Variants in COL25A1 observed in about 807,000 individuals in gnomAD.
COL25A1 encodes collagen type XXV alpha 1 chain, also known as collagen alpha-1(XXV) chain.
COL25A1 carries 103 observed loss-of-function variants against 128.4 expected under a neutral mutation model. The ratio of observed to expected loss-of-function variants is 0.80; its 90% CI spans 0.68 to 0.94. The LOEUF is 0.94. Ranked by LOEUF, COL25A1 falls within the 40% of genes least tolerant of loss-of-function variation. The pLI, the probability that COL25A1 is intolerant of heterozygous loss-of-function variation, is 0.00. For synonymous variants in COL25A1, 279 were observed against 277.2 expected (o/e 1.01, Z -0.06); for missense variants, 745 against 840.0 (o/e 0.89, Z 1.40).
Position 108,812,900 on chromosome 4 carries a change from C to A in COL25A1, c.*1027G>T, listed in dbSNP as rs1287928573. 2 of 152,134 alleles carry A rather than the reference C, an allele frequency of 1.3e-5. No homozygotes were observed. Among genetic ancestry groups the A allele is most frequent in the Non-Finnish European group, 2.9e-5 (2 of 68,032 alleles). The allele number at this position is 152,134 out of a possible 1,614,324, so 9.4% of individuals were successfully genotyped here. ...TTTGGTGGGATGGACATCCCTTTTC[C>A]CTCAGGGACAGGATCTCCCATTCCA... On this transcript the variant is annotated 3_prime_UTR_variant, in exon 38 of 38. Coordinates refer to ENST00000399132, the MANE Select transcript of COL25A1 (RefSeq NM_198721.4).
At chr4:108,987,701 T>C (rs756490425) in intron 6 of COL25A1, among the ~76,000 whole-genome samples, 2 of 152,094 alleles carry the variant, frequency 1.3e-5, no homozygotes, top group Non-Finnish European at 2.9e-5. Flanking sequence ...ACGTCTTACC[T>C]GGAAGCCTGA....
At chr4:108,857,017 G>A (rs1373758404) in intron 24 of COL25A1, among the ~76,000 whole-genome samples, 1 of 152,076 alleles carries the variant, frequency 6.6e-6, no homozygotes, top group Non-Finnish European at 1.5e-5. Flanking sequence ...TCAAAATAGA[G>A]ATTTCCATTT....
Position 109,260,138 on chromosome 4 carries a change from T to C in COL25A1, c.367+40445A>G, listed in dbSNP as rs114159118. The stretch of plus-strand genomic sequence containing the variant: ...CTTATACAAAGCTGCCTCCATTTTC[T>C]ACATCAATATTTTGACGATGTTTTC... On this transcript the variant is annotated intron_variant, in intron 3 of 37. Transcript: ENST00000399132. Among the ~76,000 whole-genome samples the C allele has an allele frequency of 3.7e-3, 560 of 152,352 alleles. 2 individuals carry two copies. Among genetic ancestry groups the C allele is most frequent in the African/African-American group, 0.013 (538 of 41,584 alleles).
chr4:109,255,947 G>A (rs1351426572), intron 3 of COL25A1, among the ~76,000 whole-genome samples: 1 of 152,092 alleles, frequency 6.6e-6, no homozygotes, highest in Non-Finnish European at 1.5e-5. Context: ...GTCACAAATG[G>A]CATTTAGAAC....
At chr4:109,118,207 A>G (rs993239600) in intron 3 of COL25A1, among the ~76,000 whole-genome samples, 1 of 151,978 alleles carries the variant, frequency 6.6e-6, no homozygotes, top group African/African-American at 2.4e-5. Flanking sequence ...GACTAAAAGT[A>G]TTAATAGAGA....
At chr4:109,099,186 C>T (rs1300607326) in intron 3 of COL25A1, among the ~76,000 whole-genome samples, 1 of 152,102 alleles carries the variant, frequency 6.6e-6, no homozygotes, top group African/African-American at 2.4e-5. Flanking sequence ...AACCATAAAC[C>T]TGAACCTTTT....
intron 3 of COL25A1, among the ~76,000 whole-genome samples, chr4:109,179,054 G>C (rs560530653): frequency 5.3e-4 from 81 of 151,592 alleles, no homozygotes; most frequent in African/African-American, 1.9e-3. Flanking sequence ...AAAAAAAAAA[G>C]TTGTCCTAAA....
chr4:108,954,661 T>G (rs1009792660), intron 8 of COL25A1, among the ~76,000 whole-genome samples: 1 of 151,834 alleles, frequency 6.6e-6, no homozygotes, highest in Non-Finnish European at 1.5e-5. Context: ...GTACTTAATA[T>G]TCCATTTATC....
chr4:108,821,715 T>C (rs1451026167), intron 35 of COL25A1, among the ~76,000 whole-genome samples: 1 of 152,214 alleles, frequency 6.6e-6, no homozygotes, highest in Non-Finnish European at 1.5e-5. Context: ...GTATGAAGAA[T>C]AACGTGCCAA....
chr4:109,070,023 A>G (rs1330890263), intron 3 of COL25A1, among the ~76,000 whole-genome samples: 3 of 150,914 alleles, frequency 2.0e-5, no homozygotes, highest in African/African-American at 4.9e-5. Context: ...TTGGGAGGCC[A>G]AGGTGGGCAG....
At chr4:109,168,684 C>A (rs906607878) in intron 3 of COL25A1, among the ~76,000 whole-genome samples, 4 of 152,122 alleles carry the variant, frequency 2.6e-5, no homozygotes, top group Non-Finnish European at 4.4e-5. Flanking sequence ...GGTGCTCTTT[C>A]AGGGCCATGC....
intron 35 of COL25A1, among the ~76,000 whole-genome samples, chr4:108,819,566 C>T (rs760047042): frequency 2.0e-5 from 3 of 152,150 alleles, no homozygotes; most frequent in African/African-American, 7.2e-5. Flanking sequence ...CAGTTCCTTT[C>T]GGATCTTACA....
intron 26 of COL25A1, 38 bp from the exon 27 acceptor site, chr4:108,848,841 A>T: frequency 6.6e-7 from 1 of 1,516,310 alleles, no homozygotes; most frequent in Non-Finnish European, 9.2e-7. Context: ...CTCCATTCTC[A>T]TTGGTAACAT....
At chr4:108,872,081 G>A (rs1738792508) in intron 19 of COL25A1, among the ~76,000 whole-genome samples, 1 of 152,114 alleles carries the variant, frequency 6.6e-6, no homozygotes, top group Admixed American at 6.5e-5. Context: ...GACATTATTT[G>A]CCTTTTTACT....
chr4:109,070,783 G>A (rs1331486095), intron 3 of COL25A1, among the ~76,000 whole-genome samples: 4 of 149,750 alleles, frequency 2.7e-5, no homozygotes, highest in African/African-American at 9.9e-5. Flanking sequence ...AGAACATGCG[G>A]TGTTTGGTTT....
At chr4:109,279,805 C>T (rs1723193141) in intron 3 of COL25A1, among the ~76,000 whole-genome samples, 1 of 152,128 alleles carries the variant, frequency 6.6e-6, no homozygotes, top group South Asian at 2.1e-4. Context: ...TACTATGTAT[C>T]TACATTTCCT....
chr4:109,022,087 C>T (rs1757823399), intron 5 of COL25A1: 2 of 444,314 alleles, frequency 4.5e-6, no homozygotes, highest in East Asian at 7.0e-5. Flanking sequence ...GTGACCTACT[C>T]CCTGTTCGTA....
intron 5 of COL25A1, among the ~76,000 whole-genome samples, chr4:109,011,266 T>C (rs976441499): frequency 1.3e-4 from 20 of 152,316 alleles, no homozygotes; most frequent in South Asian, 1.0e-3. Flanking sequence ...GCACCAAGTA[T>C]CACACAGGAA....
At chr4:108,864,303 TGCTG>T (rs1417296325) in intron 20 of COL25A1, among the ~76,000 whole-genome samples, 3 of 152,202 alleles carry the variant, frequency 2.0e-5, no homozygotes, top group Admixed American at 6.5e-5. Flanking sequence ...TTTTAAGCAC[TGCTG>T]GCAAGAAGCA....
Sources: allele counts gnomAD v4.1 joint callset (sites outside exome capture counted in the v4.1 genomes callset), GRCh38; gene constraint gnomAD v4.1.1; transcripts MANE v1.5; gene names NCBI Gene and HGNC (gene_info 2026-07-23, HGNC 2026-07-21).